CDH13: variants seen among roughly 807,000 people sequenced by gnomAD.
The protein encoded by CDH13 is cadherin-13.
In CDH13, 24 loss-of-function variants were observed where a neutral mutation model predicts 63.8. The observed-to-expected ratio is 0.38, with a 90% CI of 0.27 to 0.53. The LOEUF is 0.53. CDH13 is among the 20% of genes least tolerant of loss of function. CDH13 has a pLI of 0.85. For missense variants in CDH13, 1,049 were observed against 903.1 expected (o/e 1.16, Z -2.07); for synonymous variants, 503 against 355.3 (o/e 1.42, Z -4.67).
chr16:83,745,107 C>A (rs1180215177), intron 10 of CDH13, among the ~76,000 whole-genome samples: 1 of 152,190 alleles, frequency 6.6e-6, no homozygotes, highest in Admixed American at 6.5e-5. Context: ...GGCATAGATG[C>A]TGGAAGCTCC....
intron 5 of CDH13, among the ~76,000 whole-genome samples, chr16:83,311,661 T>C (rs1054183179): frequency 1.3e-5 from 2 of 152,218 alleles, no homozygotes; most frequent in African/African-American, 4.8e-5. Context: ...GTACATAGCA[T>C]AGGAGGTTGA....
At chr16:82,857,870 C>A (rs1024864633) in intron 1 of CDH13, among the ~76,000 whole-genome samples, 10 of 152,248 alleles carry the variant, frequency 6.6e-5, no homozygotes, top group Non-Finnish European at 1.3e-4. Flanking sequence ...TACTCAGTAG[C>A]CACCGGTGGT....
At chr16:82,846,495 AG>A (rs1217128489) in intron 1 of CDH13, among the ~76,000 whole-genome samples, 1 of 152,206 alleles carries the variant, frequency 6.6e-6, no homozygotes, top group Non-Finnish European at 1.5e-5. Flanking sequence ...CACAATTATT[AG>A]TTGTGTTTTG....
At chr16:82,899,849 G>T (rs1347570400) in intron 2 of CDH13, among the ~76,000 whole-genome samples, 2 of 152,164 alleles carry the variant, frequency 1.3e-5, no homozygotes, top group Non-Finnish European at 2.9e-5. Flanking sequence ...TCTCTTTGCT[G>T]TTATTTCTCC....
intron 1 of CDH13, among the ~76,000 whole-genome samples, chr16:82,683,225 C>T (rs769349652): frequency 4.6e-5 from 7 of 152,160 alleles, no homozygotes; most frequent in Admixed American, 1.3e-4. Flanking sequence ...TTTATTGCAT[C>T]TGGGTTACCT....
At chr16:82,888,153 A>G (rs2040955635) in intron 2 of CDH13, among the ~76,000 whole-genome samples, 1 of 152,218 alleles carries the variant, frequency 6.6e-6, no homozygotes, top group South Asian at 2.1e-4. Context: ...CCTTTTGGGA[A>G]GAAAACATAC....
At chr16:82,713,552 A>G (rs1248340731) in intron 1 of CDH13, among the ~76,000 whole-genome samples, 1 of 152,112 alleles carries the variant, frequency 6.6e-6, no homozygotes, top group Non-Finnish European at 1.5e-5. Flanking sequence ...AGGGTGGTCA[A>G]GAGTACGGAC....
rs1437913217 is a variant in CDH13, at chr16:83,014,744, ATATATAT to A, written c.158-17265_158-17259del. ...AGACTCCATCTAAAAAAAAAAAAAAATATATATATATATATATATATATATATATATG... is the reference window on the plus strand; with the variant it reads ...AGACTCCATCTAAAAAAAAAAAAAAAATATATATATATATATATATATATG... On this transcript the variant is annotated intron_variant, in intron 2 of 13. Coordinates refer to ENST00000567109, the MANE Select transcript of CDH13 (RefSeq NM_001257.5). Among the ~76,000 whole-genome samples the A allele has an allele frequency of 8.2e-4, 26 of 31,778 alleles. 3 individuals are homozygous for A. The highest frequency in any genetic ancestry group is 3.4e-3 in the East Asian group (4 of 1,170). The allele number at this position is 31,778 out of a possible 152,430, so 20.8% of individuals were successfully genotyped here.
At chr16:83,573,518 C>T (rs932000615) in intron 7 of CDH13, among the ~76,000 whole-genome samples, 1 of 152,196 alleles carries the variant, frequency 6.6e-6, no homozygotes, top group Non-Finnish European at 1.5e-5. Context: ...GTAGACATCA[C>T]TAATCAATGG....
In CDH13 at chr16:83,370,560, T is replaced by A. The variant is rs1847844218; in HGVS notation, c.781+25554T>A. On this transcript the variant is annotated intron_variant, in intron 6 of 13. Coordinates refer to ENST00000567109, the MANE Select transcript of CDH13 (RefSeq NM_001257.5). Reference sequence around the variant, plus strand: ...GGGGTTTGGTGTACAGATTATTTCATCACCCAGGTAATAAGCATGGTACCC... The same window carrying A: ...GGGGTTTGGTGTACAGATTATTTCAACACCCAGGTAATAAGCATGGTACCC... Among the ~76,000 whole-genome samples, 5 of 152,304 alleles carry A rather than the reference T, an allele frequency of 3.3e-5. No homozygotes were observed. The South Asian group carries it at 1.0e-3, about 32-fold the overall frequency.
chr16:83,374,071 G>C lies in CDH13; in HGVS notation c.781+29065G>C, dbSNP rs972306658. 2.6e-5 allele frequency among the ~76,000 whole-genome samples: 4 copies of C among 152,294 alleles called. 1 individual carries two copies. Among genetic ancestry groups the C allele is most frequent in the Middle Eastern group, 6.8e-3 (2 of 294 alleles). ...GGAGGGTACTAAGGCGTGCTAAAGG[G>C]TCACACTAATGATGCTCCGCAAAGA... On this transcript the variant is annotated intron_variant, in intron 6 of 13. Transcript: ENST00000567109.
chr16:82,659,869 C>T (rs1308419607), intron 1 of CDH13, among the ~76,000 whole-genome samples: 1 of 152,096 alleles, frequency 6.6e-6, no homozygotes, highest in African/African-American at 2.4e-5. Flanking sequence ...CACTAGAGGC[C>T]ATTGGAAGCC....
intron 2 of CDH13, among the ~76,000 whole-genome samples, chr16:82,971,394 C>G (rs1277680785): frequency 6.6e-6 from 1 of 152,212 alleles, no homozygotes; most frequent in East Asian, 1.9e-4. Context: ...ATCCTTGTTG[C>G]AAGGTCTGTT....
At chr16:83,458,724 T>C (rs900970804) in intron 6 of CDH13, among the ~76,000 whole-genome samples, 1 of 152,226 alleles carries the variant, frequency 6.6e-6, no homozygotes, top group African/African-American at 2.4e-5. Context: ...CTTTTCATAC[T>C]GACACTTCTC....
At chr16:82,697,449 A>G (rs1204772250) in intron 1 of CDH13, among the ~76,000 whole-genome samples, 2 of 75,990 alleles carry the variant, frequency 2.6e-5, no homozygotes, top group Non-Finnish European at 4.7e-5. Context: ...TTTTTTTTTG[A>G]GACAGAGTCT....
chr16:83,280,225 C>A (rs1415786405), intron 5 of CDH13, among the ~76,000 whole-genome samples: 2 of 152,230 alleles, frequency 1.3e-5, no homozygotes, highest in Non-Finnish European at 2.9e-5. Flanking sequence ...AGTCAGTCTT[C>A]TCAAACCCTG....
chr16:83,719,223 G>A (rs1255288863), intron 10 of CDH13, among the ~76,000 whole-genome samples: 1 of 152,184 alleles, frequency 6.6e-6, no homozygotes, highest in East Asian at 1.9e-4. Context: ...TCCAGAACTT[G>A]TCAAGCTTTG....
chr16:82,633,314 C>G (rs115289681), intron 1 of CDH13, among the ~76,000 whole-genome samples: 1 of 152,196 alleles, frequency 6.6e-6, no homozygotes, highest in African/African-American at 2.4e-5. Flanking sequence ...CCAAGGCCTC[C>G]GGGAACACTG....
chr16:83,014,402 C>T (rs867665552), intron 2 of CDH13, among the ~76,000 whole-genome samples: 39 of 149,618 alleles, frequency 2.6e-4, no homozygotes, highest in Middle Eastern at 7.2e-3. Context: ...TTCAGAATGG[C>T]TCTGAACTAC....
Sources: gnomAD v4.1 joint callset for allele counts (sites outside exome capture counted in the v4.1 genomes callset) on GRCh38, gnomAD v4.1.1 for gene constraint, MANE v1.5 for transcripts, NCBI Gene and HGNC (gene_info 2026-07-23, HGNC 2026-07-21) for gene names.